YME1L1: variants seen among roughly 807,000 people sequenced by gnomAD.
The protein encoded by YME1L1 is ATP-dependent zinc metalloprotease YME1L1.
YME1L1 carries 39 observed loss-of-function variants against 90.4 expected under a neutral mutation model. That is an observed-to-expected ratio of 0.43 (90% CI 0.33 to 0.56). The LOEUF (loss-of-function observed/expected upper bound fraction) is 0.56, where lower values mean the gene tolerates loss of function less well. Among genes scored for constraint, YME1L1 ranks in the 20% least tolerant of loss-of-function variants. The probability of loss-of-function intolerance (pLI) is 0.03; values close to 1 mark genes in which losing one functional copy is unlikely to be tolerated. For missense variants in YME1L1, 617 were observed against 868.4 expected (o/e 0.71, Z 3.64); for synonymous variants, 284 against 287.3 (o/e 0.99, Z 0.12).
chr10:27,114,979 A>G (rs987359274), intron 17 of YME1L1, among the ~76,000 whole-genome samples: 1 of 152,136 alleles, frequency 6.6e-6, no homozygotes, highest in African/African-American at 2.4e-5. Flanking sequence ...GTAAGCTGAC[A>G]TTGCGCCACT....
At chr10:27,136,529 T>C in intron 4 of YME1L1, 144 bp from the exon 5 acceptor site, 1 of 693,746 alleles carries the variant, frequency 1.4e-6, no homozygotes, top group Non-Finnish European at 2.4e-6. Context: ...CTTTGTTTCC[T>C]TCTTTTTTGT....
rs1304792095 is a variant in YME1L1, at chr10:27,116,349, G to T, written c.1720-4C>A. ...CATTCTCAGGTAACAGGGACACCTA[G>T]ACAATTAAAAATTAATCAGATAAAA... is the stretch of plus-strand genomic sequence containing the variant. On this transcript the variant is annotated splice_polypyrimidine_tract_variant and splice_region_variant and intron_variant, in intron 15 of 18. Transcript: ENST00000376016. 6.2e-7 allele frequency: 1 copy of T among 1,612,796 alleles called. No homozygotes were observed. The highest frequency in any genetic ancestry group is 1.7e-5 in the Admixed American group (1 of 59,622).
At chr10:27,144,516 T>C (rs971480826) in intron 3 of YME1L1, among the ~76,000 whole-genome samples, 3 of 152,190 alleles carry the variant, frequency 2.0e-5, no homozygotes, top group African/African-American at 7.2e-5. Context: ...GAAAAACTCA[T>C]AAAGTTGACA....
rs2056992272 is a variant in YME1L1, at chr10:27,133,004, C to CCA, written c.775+1033_775+1034dup. 1.3e-5 allele frequency among the ~76,000 whole-genome samples: 2 copies of CCA among 152,086 alleles called. 1 individual carries two copies. Among genetic ancestry groups the CCA allele is most frequent in the South Asian group, 4.1e-4 (2 of 4,824 alleles). The stretch of plus-strand genomic sequence containing the variant: ...CTTGAGAAGTATGTTAATTCTCAGG[C>CCA]CACAGCACAGGGCCCAGGAGAATTT... On this transcript the variant is annotated intron_variant, in intron 7 of 18. Coordinates refer to ENST00000376016, the MANE Select transcript of YME1L1 (RefSeq NM_014263.4).
intron 9 of YME1L1, among the ~76,000 whole-genome samples, chr10:27,126,373 G>A (rs572117894): frequency 2.0e-5 from 3 of 152,154 alleles, no homozygotes; most frequent in South Asian, 2.1e-4. Context: ...TGGCTACAGC[G>A]AGCCATGATT....
At chr10:27,123,746 T>C (rs1233516434) in intron 9 of YME1L1, 47 bp from the exon 10 acceptor site, 2 of 1,544,098 alleles carry the variant, frequency 1.3e-6, no homozygotes, top group Non-Finnish European at 1.7e-6. Context: ...TTTTAAAAAA[T>C]CCCTCGATAT....
intron 4 of YME1L1, among the ~76,000 whole-genome samples, chr10:27,140,723 C>T (rs1307976793): frequency 4.0e-5 from 6 of 151,646 alleles, no homozygotes; most frequent in African/African-American, 1.5e-4. Flanking sequence ...GTGATCCACC[C>T]TCCTCGGCCT....
intron 13 of YME1L1, 37 bp from the exon 14 acceptor site, chr10:27,119,486 A>G (rs2056844876): frequency 6.3e-7 from 1 of 1,574,986 alleles, no homozygotes; most frequent in Admixed American, 2.0e-5. Flanking sequence ...AATAAGTCTA[A>G]AACAGGTAAA....
intron 5 of YME1L1, 61 bp from the exon 6 acceptor site, chr10:27,135,042 T>C (rs1301308159): frequency 4.7e-6 from 7 of 1,483,582 alleles, no homozygotes; most frequent in Non-Finnish European, 6.4e-6. Flanking sequence ...CCCAACAATA[T>C]TGTGACCACT....
intron 4 of YME1L1, among the ~76,000 whole-genome samples, chr10:27,137,463 G>C (rs992644968): frequency 2.0e-5 from 3 of 152,174 alleles, no homozygotes; most frequent in Non-Finnish European, 4.4e-5. Context: ...GTCAGCAGAT[G>C]TAGACTGAAT....
At chr10:27,119,269 C>T (rs1040557685) in intron 14 of YME1L1, 25 bp downstream of exon 14, 2 of 1,571,710 alleles carry the variant, frequency 1.3e-6, no homozygotes, top group African/African-American at 2.8e-5. Context: ...AAGTAAAAGA[C>T]AGAAAAAAAA....
intron 13 of YME1L1, 56 bp downstream of exon 13, chr10:27,120,379 G>A (rs2135849347): frequency 1.6e-6 from 2 of 1,247,596 alleles, no homozygotes; most frequent in East Asian, 2.4e-5. Flanking sequence ...CCACAAACAG[G>A]GTGAGTGGTA....
At chr10:27,144,810 G>C (rs1040162035) in intron 3 of YME1L1, among the ~76,000 whole-genome samples, 1 of 152,178 alleles carries the variant, frequency 6.6e-6, no homozygotes, top group African/African-American at 2.4e-5. Flanking sequence ...AACAAATTTT[G>C]TTGAAATTCA....
intron 2 of YME1L1, chr10:27,147,232 C>T: frequency 1.6e-6 from 1 of 611,352 alleles, no homozygotes; most frequent in Non-Finnish European, 2.9e-6. Flanking sequence ...GTGGCTCGAG[C>T]CTGTAATCCC....
At chr10:27,114,898 G>A (rs574691537) in intron 17 of YME1L1, among the ~76,000 whole-genome samples, 1 of 152,252 alleles carries the variant, frequency 6.6e-6, no homozygotes, top group South Asian at 2.1e-4. Flanking sequence ...ATAGCGGCAC[G>A]TGCCTGTAAT....
chr10:27,127,757 G>C (rs1489943106), intron 8 of YME1L1, among the ~76,000 whole-genome samples: 1 of 152,130 alleles, frequency 6.6e-6, no homozygotes, highest in Non-Finnish European at 1.5e-5. Context: ...CTTCTGCTAA[G>C]GTTCTATTTC....
chr10:27,125,044 C>A (rs532915262), intron 9 of YME1L1, among the ~76,000 whole-genome samples: 8 of 152,262 alleles, frequency 5.3e-5, no homozygotes, highest in African/African-American at 1.9e-4. Context: ...TAATTTCATA[C>A]ACTGCTGTAT....
At position 27,154,363 on chromosome 10, in the gene YME1L1, T is replaced by C. The variant is rs911075760; in HGVS notation, c.-153A>G. ...GAAACGGAAAATGGCCTCCCCTTCC[T>C]ACAGCTACTGCAACGACAGACAATC... is the stretch of plus-strand genomic sequence containing the variant. On this transcript the variant is annotated 5_prime_UTR_variant, in exon 1 of 19. Coordinates refer to ENST00000376016, the MANE Select transcript of YME1L1 (RefSeq NM_014263.4). 4.7e-6 allele frequency: 4 copies of C among 845,650 alleles called. No homozygotes were observed. In the African/African-American group the frequency reaches 5.1e-5, roughly 11 times the overall value. The allele number at this position is 845,650 out of a possible 1,614,324, so 52.4% of individuals were successfully genotyped here. A position where few individuals can be genotyped will look rare whatever the true frequency, so the allele number is the denominator to read the frequency against.
chr10:27,142,992 C>T (rs748398497), intron 3 of YME1L1, among the ~76,000 whole-genome samples: 1 of 151,588 alleles, frequency 6.6e-6, no homozygotes, highest in Non-Finnish European at 1.5e-5. Flanking sequence ...GCTGGGATTA[C>T]AGGCGTGAGC....
Sources: gnomAD v4.1 joint callset for allele counts (sites outside exome capture counted in the v4.1 genomes callset) on GRCh38, gnomAD v4.1.1 for gene constraint, MANE v1.5 for transcripts, NCBI Gene and HGNC (gene_info 2026-07-23, HGNC 2026-07-21) for gene names.